Variants in TSPAN5 observed in about 807,000 individuals in gnomAD.
TSPAN5 encodes tetraspanin 5, also known as tetraspanin-5.
Under a neutral mutation model 37.1 loss-of-function variants are expected in TSPAN5, and 10 were observed. That is an observed-to-expected ratio of 0.27 (90% confidence interval 0.17 to 0.46). The LOEUF is 0.46. Among genes scored for constraint, TSPAN5 ranks in the 20% least tolerant of loss-of-function variants. The pLI is 1.00. For synonymous variants in TSPAN5, 110 were observed against 118.9 expected (o/e 0.93, Z 0.48); for missense variants, 195 against 326.6 (o/e 0.60, Z 3.11).
intron 1 of TSPAN5, among the ~76,000 whole-genome samples, chr4:98,591,089 T>A (rs75990181): frequency 4.6e-5 from 7 of 151,604 alleles, no homozygotes; most frequent in East Asian, 3.9e-4. Context: ...TTTTTTTTTT[T>A]AATAAGTGAA....
At chr4:98,584,877 A>G (rs997276241) in intron 1 of TSPAN5, among the ~76,000 whole-genome samples, 1 of 152,208 alleles carries the variant, frequency 6.6e-6, no homozygotes, top group Non-Finnish European at 1.5e-5. Context: ...TCCACATTCA[A>G]TCTAATTCCT....
At chr4:98,614,365 G>T (rs1756269340) in intron 1 of TSPAN5, among the ~76,000 whole-genome samples, 1 of 152,162 alleles carries the variant, frequency 6.6e-6, no homozygotes, top group Non-Finnish European at 1.5e-5. Context: ...CCTTGCCTGG[G>T]CTGTGGCGGG....
At chr4:98,628,614 C>T (rs1756662497) in intron 1 of TSPAN5, among the ~76,000 whole-genome samples, 1 of 152,158 alleles carries the variant, frequency 6.6e-6, no homozygotes, top group Admixed American at 6.5e-5. Context: ...GAAACCAGCT[C>T]CCTGATAGGC....
chr4:98,472,411 T>C lies in TSPAN5; in HGVS notation c.*111A>G. The C allele has an allele frequency of 1.1e-6, 1 of 876,602 alleles. No homozygotes were observed. The highest frequency in any genetic ancestry group is 1.7e-5 in the South Asian group (1 of 60,046). 54.3% of individuals were successfully genotyped at this position (876,602 alleles called of 1,614,324 possible). ...TAATGGCAGCTCCATTAGGCGAGAC[T>C]GCAGGCTGCATCTGTGATTAGGTCC... On this transcript the variant is annotated 3_prime_UTR_variant, in exon 8 of 8. Transcript: ENST00000305798.
At chr4:98,649,422 G>C (rs1757137391) in intron 1 of TSPAN5, among the ~76,000 whole-genome samples, 1 of 152,290 alleles carries the variant, frequency 6.6e-6, no homozygotes, top group Admixed American at 6.5e-5. Flanking sequence ...TAGGGCTTCT[G>C]ATTAGCATAT....
intron 1 of TSPAN5, among the ~76,000 whole-genome samples, chr4:98,565,817 C>T (rs1754992946): frequency 6.6e-6 from 1 of 152,168 alleles, no homozygotes; most frequent in African/African-American, 2.4e-5. Flanking sequence ...ACATGCTTCA[C>T]CTGCATGCCC....
chr4:98,602,520 C>T (rs1023122386), intron 1 of TSPAN5, among the ~76,000 whole-genome samples: 2 of 152,202 alleles, frequency 1.3e-5, no homozygotes, highest in African/African-American at 2.4e-5. Context: ...ACTTACCTCT[C>T]TTCCACTCCC....
intron 1 of TSPAN5, among the ~76,000 whole-genome samples, chr4:98,614,477 C>T (rs1756272755): frequency 6.6e-6 from 1 of 152,068 alleles, no homozygotes; most frequent in African/African-American, 2.4e-5. Context: ...GCCAACTGGA[C>T]CCAAAGTGAA....
At chr4:98,625,738 T>G (rs950326915) in intron 1 of TSPAN5, among the ~76,000 whole-genome samples, 1 of 152,204 alleles carries the variant, frequency 6.6e-6, no homozygotes, top group African/African-American at 2.4e-5. Context: ...GAATGAACCC[T>G]ATTAGTAGCA....
chr4:98,577,661 C>T (rs889160535), intron 1 of TSPAN5, among the ~76,000 whole-genome samples: 1 of 152,146 alleles, frequency 6.6e-6, no homozygotes, highest in Non-Finnish European at 1.5e-5. Context: ...ACTGGAACAC[C>T]CCAGAGAAAG....
intron 1 of TSPAN5, among the ~76,000 whole-genome samples, chr4:98,626,718 G>A (rs1756609029): frequency 6.6e-6 from 1 of 151,966 alleles, no homozygotes; most frequent in African/African-American, 2.4e-5. Context: ...AGTGTGGGAG[G>A]CCTTCCCTGG....
At chr4:98,578,940 T>G (rs1194001219) in intron 1 of TSPAN5, among the ~76,000 whole-genome samples, 1 of 152,158 alleles carries the variant, frequency 6.6e-6, no homozygotes, top group Non-Finnish European at 1.5e-5. Context: ...AGGGTAACAA[T>G]GATCTATTTT....
At chr4:98,574,093 T>C (rs1755182615) in intron 1 of TSPAN5, among the ~76,000 whole-genome samples, 1 of 152,234 alleles carries the variant, frequency 6.6e-6, no homozygotes, top group African/African-American at 2.4e-5. Context: ...CCTGGGAAAG[T>C]ATTTGTTGAA....
chr4:98,627,866 T>C (rs986935189), intron 1 of TSPAN5, among the ~76,000 whole-genome samples: 3 of 152,002 alleles, frequency 2.0e-5, no homozygotes, highest in Non-Finnish European at 4.4e-5. Flanking sequence ...AATGATTAAA[T>C]ATAAAACAAG....
intron 1 of TSPAN5, among the ~76,000 whole-genome samples, chr4:98,602,863 C>T (rs1755913840): frequency 6.6e-6 from 1 of 152,162 alleles, no homozygotes; most frequent in South Asian, 2.1e-4. Context: ...GCTCCTAACA[C>T]ATATGACATA....
At chr4:98,600,276 T>C (rs1186864630) in intron 1 of TSPAN5, among the ~76,000 whole-genome samples, 1 of 152,106 alleles carries the variant, frequency 6.6e-6, no homozygotes, top group African/African-American at 2.4e-5. Flanking sequence ...GCGCTGAAGG[T>C]TGGGGTGGCT....
intron 1 of TSPAN5, among the ~76,000 whole-genome samples, chr4:98,513,981 C>T (rs1306934760): frequency 6.6e-6 from 1 of 152,066 alleles, no homozygotes; most frequent in Non-Finnish European, 1.5e-5. Flanking sequence ...ATAGCAATTA[C>T]ATTGATGGCA....
chr4:98,632,132 G>C (rs1296650545), intron 1 of TSPAN5, among the ~76,000 whole-genome samples: 2 of 152,096 alleles, frequency 1.3e-5, no homozygotes, highest in African/African-American at 4.8e-5. Context: ...GCCTCTGACT[G>C]GCAGAAGTAC....
chr4:98,618,652 AAGGTTCAAACCT>A (rs1756403636), intron 1 of TSPAN5, among the ~76,000 whole-genome samples: 1 of 152,214 alleles, frequency 6.6e-6, no homozygotes, highest in Non-Finnish European at 1.5e-5. Context: ...GGGCAGAGTC[AAGGTTCAAACCT>A]AGGTCCACGG....
Sources: gnomAD v4.1 joint callset for allele counts (sites outside exome capture counted in the v4.1 genomes callset) on GRCh38, gnomAD v4.1.1 for gene constraint, MANE v1.5 for transcripts, NCBI Gene and HGNC (gene_info 2026-07-23, HGNC 2026-07-21) for gene names.